SGCZ: variants seen among roughly 807,000 people sequenced by gnomAD.
SGCZ encodes sarcoglycan zeta.
In SGCZ, 40 loss-of-function variants were observed where a neutral mutation model predicts 41.3. The observed-to-expected ratio is 0.97, with a 90% confidence interval of 0.75 to 1.26. The LOEUF is 1.26. SGCZ is among the 50% of genes most tolerant of loss of function. SGCZ has a pLI of 0.00. For missense variants in SGCZ, 552 were observed against 369.8 expected (o/e 1.49, Z -4.04); for synonymous variants, 206 against 137.5 (o/e 1.50, Z -3.49).
At chr8:14,473,806 C>A (rs960874334) in intron 2 of SGCZ, among the ~76,000 whole-genome samples, 1 of 151,696 alleles carries the variant, frequency 6.6e-6, no homozygotes, top group Non-Finnish European at 1.5e-5. Flanking sequence ...GGCGTGGTGG[C>A]GGGCACGCGT....
intron 1 of SGCZ, among the ~76,000 whole-genome samples, chr8:14,639,551 G>C (rs368542359): frequency 1.3e-5 from 2 of 151,644 alleles, no homozygotes; most frequent in Non-Finnish European, 2.9e-5. Flanking sequence ...TGACTCAATA[G>C]TATTCATAGT....
At chr8:14,318,433 G>A (rs1801792022) in intron 3 of SGCZ, among the ~76,000 whole-genome samples, 1 of 151,716 alleles carries the variant, frequency 6.6e-6, no homozygotes, top group Admixed American at 6.6e-5. Context: ...TCAAAAAAAA[G>A]ATTATTTCAT....
intron 4 of SGCZ, among the ~76,000 whole-genome samples, chr8:14,224,424 G>C (rs1313442409): frequency 2.0e-5 from 3 of 152,124 alleles, no homozygotes; most frequent in Non-Finnish European, 4.4e-5. Flanking sequence ...AGCTCTGAAG[G>C]TGAAAGGGAT....
chr8:14,163,058 C>T (rs1239464710), intron 5 of SGCZ, among the ~76,000 whole-genome samples: 1 of 152,018 alleles, frequency 6.6e-6, no homozygotes, highest in Non-Finnish European at 1.5e-5. Context: ...TTTTGGTAGA[C>T]ACAAGGTCTC....
At chr8:14,619,336 C>A (rs1050711613) in intron 1 of SGCZ, among the ~76,000 whole-genome samples, 4 of 152,112 alleles carry the variant, frequency 2.6e-5, no homozygotes, top group Admixed American at 2.6e-4. Context: ...CAATATCATA[C>A]TGAATGGGCA....
At chr8:14,428,713 G>C (rs1007418122) in intron 2 of SGCZ, among the ~76,000 whole-genome samples, 1 of 152,168 alleles carries the variant, frequency 6.6e-6, no homozygotes, top group East Asian at 1.9e-4. Context: ...TGCATGGATG[G>C]TCATGTTCTT....
intron 3 of SGCZ, among the ~76,000 whole-genome samples, chr8:14,286,221 A>G (rs938997640): frequency 2.0e-5 from 3 of 152,128 alleles, no homozygotes; most frequent in African/African-American, 4.8e-5. Context: ...TAATTCCTTG[A>G]AGTGACTTTG....
chr8:15,214,511 T>C (rs367953047), intron 1 of SGCZ, among the ~76,000 whole-genome samples: 1 of 152,142 alleles, frequency 6.6e-6, no homozygotes, highest in Non-Finnish European at 1.5e-5. Context: ...TAATATCTAG[T>C]ATACTAGCTA....
chr8:15,219,150 C>A (rs993476424), intron 1 of SGCZ, among the ~76,000 whole-genome samples: 2 of 152,152 alleles, frequency 1.3e-5, no homozygotes, highest in Non-Finnish European at 2.9e-5. Flanking sequence ...CTTGGCATAT[C>A]ATGTTTATTT....
chr8:15,111,877 C>T (rs1401068802), intron 1 of SGCZ, among the ~76,000 whole-genome samples: 1 of 148,358 alleles, frequency 6.7e-6, no homozygotes, highest in Admixed American at 6.7e-5. Flanking sequence ...TCCAGCCTGG[C>T]AACAGAGCGA....
chr8:15,078,704 T>G (rs115223543), intron 1 of SGCZ, among the ~76,000 whole-genome samples: 231 of 150,536 alleles, frequency 1.5e-3, no homozygotes, highest in African/African-American at 5.4e-3. Context: ...TGTGTGTGCA[T>G]GTGTGTGTAT....
intron 1 of SGCZ, among the ~76,000 whole-genome samples, chr8:14,568,894 C>T (rs1452771214): frequency 6.6e-6 from 1 of 152,040 alleles, no homozygotes; most frequent in African/African-American, 2.4e-5. Context: ...ATAATTCAAG[C>T]AATTGGAAAC....
chr8:14,664,400 A>G (rs1807842880), intron 1 of SGCZ, among the ~76,000 whole-genome samples: 1 of 152,180 alleles, frequency 6.6e-6, no homozygotes, highest in Non-Finnish European at 1.5e-5. Context: ...TTGTGCTTAG[A>G]AGTGTGTCTT....
intron 3 of SGCZ, among the ~76,000 whole-genome samples, chr8:14,296,270 A>G (rs532889765): frequency 1.3e-5 from 2 of 152,282 alleles, no homozygotes; most frequent in African/African-American, 4.8e-5. Flanking sequence ...TGTATGGAAA[A>G]CAATAAAAAC....
intron 1 of SGCZ, among the ~76,000 whole-genome samples, chr8:15,053,498 G>T (rs1250470074): frequency 6.6e-6 from 1 of 152,130 alleles, no homozygotes; most frequent in East Asian, 1.9e-4. Flanking sequence ...CAATGTGAAT[G>T]GTAGCTGGCT....
intron 2 of SGCZ, among the ~76,000 whole-genome samples, chr8:14,442,728 T>C (rs1199409010): frequency 6.6e-6 from 1 of 152,174 alleles, no homozygotes; most frequent in Non-Finnish European, 1.5e-5. Flanking sequence ...TCCAACATCT[T>C]CTGATTTGTT....
chr8:14,403,153 T>C (rs2117251853), intron 2 of SGCZ, among the ~76,000 whole-genome samples: 1 of 150,422 alleles, frequency 6.6e-6, no homozygotes, highest in African/African-American at 2.5e-5. Context: ...TCCCGAGACT[T>C]TGCTGAAGTT....
chr8:14,382,429 A>G (rs540554581), intron 2 of SGCZ, among the ~76,000 whole-genome samples: 1 of 142,722 alleles, frequency 7.0e-6, no homozygotes, highest in Non-Finnish European at 1.5e-5. Flanking sequence ...AAAAAAAAAC[A>G]CAATACCATA....
chr8:14,360,523 A>C (rs1233483341), intron 2 of SGCZ, among the ~76,000 whole-genome samples: 2 of 151,974 alleles, frequency 1.3e-5, no homozygotes, highest in Non-Finnish European at 2.9e-5. Flanking sequence ...TCAGGGTTTT[A>C]CCATGTTGGC....
Sources: gnomAD v4.1 joint callset for allele counts (sites outside exome capture counted in the v4.1 genomes callset) on GRCh38, gnomAD v4.1.1 for gene constraint, MANE v1.5 for transcripts, NCBI Gene and HGNC (gene_info 2026-07-23, HGNC 2026-07-21) for gene names.